Variants in PCDH9 observed in about 807,000 individuals in gnomAD.
PCDH9 encodes protocadherin 9.
In PCDH9, 24 loss-of-function variants were observed where a neutral mutation model predicts 70.6. The observed-to-expected ratio is 0.34, with a 90% confidence interval of 0.25 to 0.48. The LOEUF is 0.48. PCDH9 is among the 20% of genes least tolerant of loss of function. PCDH9 has a pLI of 0.99. For missense variants in PCDH9, 1,281 were observed against 1,503.6 expected, an observed-to-expected ratio of 0.85 and a Z score of 2.45; for synonymous variants, 562 against 558.5, an observed-to-expected ratio of 1.01 and a Z score of -0.09.
At chr13:66,498,207 G>A (rs1473461220) in intron 4 of PCDH9, among the ~76,000 whole-genome samples, 7 of 46,296 alleles carry the variant, frequency 1.5e-4, no homozygotes, top group African/African-American at 4.8e-4. Context: ...GCAGTGGCGC[G>A]ATCTCGGCTC....
intron 4 of PCDH9, among the ~76,000 whole-genome samples, chr13:66,561,722 C>A (rs1462953272): frequency 2.0e-5 from 3 of 151,954 alleles, no homozygotes. Flanking sequence ...CATGGAGAAC[C>A]GTTGTGTCTA....
chr13:66,416,705 A>C lies in PCDH9; in HGVS notation c.3341-111677T>G, dbSNP rs115192491. On this transcript the variant is annotated intron_variant, in intron 4 of 4. Transcript: ENST00000377865. ...CCTGGAGGTGGAGGCAAAATGCACT[A>C]ACAAAGTTGCAGGGTTCACACGTAG... Among the ~76,000 whole-genome samples the C allele has an allele frequency of 8.7e-3, 1,321 of 152,274 alleles. 20 individuals are homozygous for C. Among genetic ancestry groups the C allele is most frequent in the African/African-American group, 0.031 (1,274 of 41,546 alleles).
At chr13:66,365,957 T>C (rs1773776746) in intron 4 of PCDH9, among the ~76,000 whole-genome samples, 1 of 152,118 alleles carries the variant, frequency 6.6e-6, no homozygotes, top group Non-Finnish European at 1.5e-5. Flanking sequence ...CATATAATTA[T>C]ATAGGCATAA....
chr13:66,785,247 T>A (rs2080061294), intron 3 of PCDH9, among the ~76,000 whole-genome samples: 1 of 152,054 alleles, frequency 6.6e-6, no homozygotes, highest in Non-Finnish European at 1.5e-5. Context: ...AAATAAGCCA[T>A]AATAAAAAGT....
intron 3 of PCDH9, among the ~76,000 whole-genome samples, chr13:66,809,020 T>G (rs368474314): frequency 1.3e-5 from 2 of 152,228 alleles, no homozygotes; most frequent in Admixed American, 6.5e-5. Flanking sequence ...CTATCTCGGC[T>G]CACTGCAAGC....
intron 2 of PCDH9, among the ~76,000 whole-genome samples, chr13:66,944,902 C>T (rs1360324746): frequency 6.7e-6 from 1 of 148,364 alleles, no homozygotes; most frequent in Non-Finnish European, 1.5e-5. Flanking sequence ...ATAAGCAAAA[C>T]TCCAATTTAA....
At chr13:66,810,933 A>G (rs938069507) in intron 3 of PCDH9, among the ~76,000 whole-genome samples, 3 of 152,064 alleles carry the variant, frequency 2.0e-5, no homozygotes, top group Admixed American at 2.0e-4. Flanking sequence ...AATTCCCTTT[A>G]CCTAATATTA....
chr13:66,472,878 C>T (rs1349492656), intron 4 of PCDH9, among the ~76,000 whole-genome samples: 6 of 151,936 alleles, frequency 3.9e-5, no homozygotes, highest in African/African-American at 1.5e-4. Flanking sequence ...GTTGTTAATT[C>T]AATGAAATAA....
At chr13:67,058,088 C>T (rs2085457922) in intron 2 of PCDH9, among the ~76,000 whole-genome samples, 1 of 151,994 alleles carries the variant, frequency 6.6e-6, no homozygotes, top group South Asian at 2.1e-4. Context: ...GTTATATTAT[C>T]TGATATTTTC....
At chr13:66,944,642 T>C (rs2083057514) in intron 2 of PCDH9, among the ~76,000 whole-genome samples, 1 of 152,266 alleles carries the variant, frequency 6.6e-6, no homozygotes, top group Admixed American at 6.5e-5. Flanking sequence ...AAACACACTT[T>C]ATGCTATGCT....
chr13:66,707,240 C>T (rs1325862510), intron 3 of PCDH9, among the ~76,000 whole-genome samples: 1 of 152,244 alleles, frequency 6.6e-6, no homozygotes, highest in East Asian at 1.9e-4. Context: ...AACATAGGTA[C>T]AGTAATTTTA....
At chr13:66,557,034 G>A (rs966868431) in intron 4 of PCDH9, among the ~76,000 whole-genome samples, 4 of 152,126 alleles carry the variant, frequency 2.6e-5, no homozygotes, top group East Asian at 3.9e-4. Context: ...ATTACAGGTC[G>A]ATTTTAATTT....
chr13:67,037,030 G>T (rs1488627970), intron 2 of PCDH9, among the ~76,000 whole-genome samples: 1 of 152,092 alleles, frequency 6.6e-6, no homozygotes, highest in East Asian at 1.9e-4. Context: ...CCAGCACTAG[G>T]CTGGAGGATC....
At chr13:66,675,989 T>G (rs2078237933) in intron 3 of PCDH9, among the ~76,000 whole-genome samples, 1 of 152,190 alleles carries the variant, frequency 6.6e-6, no homozygotes, top group East Asian at 1.9e-4. Flanking sequence ...GGCAGATTGT[T>G]CAATTTCTCC....
At chr13:67,215,888 G>A (rs1257038842) in intron 2 of PCDH9, 2 of 152,152 alleles carry the variant, frequency 1.3e-5, no homozygotes, top group East Asian at 3.8e-4. Context: ...GTAAGACACA[G>A]TCTCTTACTT....
chr13:66,320,658 A>G (rs1204322077), intron 4 of PCDH9, among the ~76,000 whole-genome samples: 2 of 151,996 alleles, frequency 1.3e-5, no homozygotes, highest in Admixed American at 1.3e-4. Context: ...GTTATAACTA[A>G]TGAATTACTT....
At chr13:66,383,754 A>T (rs1956884921) in intron 4 of PCDH9, among the ~76,000 whole-genome samples, 1 of 152,228 alleles carries the variant, frequency 6.6e-6, no homozygotes, top group Non-Finnish European at 1.5e-5. Flanking sequence ...AGTGTAAAAC[A>T]TTTCTAGACA....
chr13:67,112,897 T>C (rs2086686109), intron 2 of PCDH9, among the ~76,000 whole-genome samples: 1 of 150,906 alleles, frequency 6.6e-6, no homozygotes. Flanking sequence ...TTTTTGTAAT[T>C]TTTTGTTATT....
intron 4 of PCDH9, among the ~76,000 whole-genome samples, chr13:66,495,760 G>A (rs1959107029): frequency 6.6e-6 from 1 of 152,132 alleles, no homozygotes; most frequent in Non-Finnish European, 1.5e-5. Flanking sequence ...TTCCACTTCA[G>A]GCTAAGCCCT....
Sources: allele counts gnomAD v4.1 joint callset (sites outside exome capture counted in the v4.1 genomes callset), GRCh38; gene constraint gnomAD v4.1.1; transcripts MANE v1.5; gene names NCBI Gene and HGNC (gene_info 2026-07-23, HGNC 2026-07-21).